Variants in HHAT observed in about 807,000 individuals in gnomAD.
HHAT encodes the protein protein-cysteine N-palmitoyltransferase HHAT.
In HHAT, 47 loss-of-function variants were observed where a neutral mutation model predicts 70.8. That is an observed-to-expected ratio of 0.66 (90% confidence interval 0.53 to 0.85). The LOEUF (loss-of-function observed/expected upper bound fraction) is 0.85, where lower values mean the gene tolerates loss of function less well. HHAT is among the 40% of genes least tolerant of loss of function. The pLI is 0.00. For synonymous variants in HHAT, 228 were observed against 247.6 expected (o/e 0.92, Z 0.74); for missense variants, 609 against 604.8 (o/e 1.01, Z -0.07).
upstream of HHAT, chr1:210,328,855 G>C: frequency 2.3e-6 from 1 of 442,840 alleles, no homozygotes. Context: ...GCTCGCCATC[G>C]CCCGGAGAGC....
At chr1:210,573,670 C>T (rs1323590886) in intron 9 of HHAT, among the ~76,000 whole-genome samples, 4 of 152,164 alleles carry the variant, frequency 2.6e-5, no homozygotes, top group Non-Finnish European at 5.9e-5. Context: ...GAGAGGTTGG[C>T]ATTGGCATGT....
intron 8 of HHAT, among the ~76,000 whole-genome samples, chr1:210,498,345 C>A (rs968483099): frequency 6.6e-6 from 1 of 152,124 alleles, no homozygotes; most frequent in Non-Finnish European, 1.5e-5. Flanking sequence ...CAGTATGATT[C>A]TTATTTCTTG....
chr1:210,674,603 T>C lies in HHAT; in HGVS notation c.*224T>C. On this transcript the variant is annotated 3_prime_UTR_variant, in exon 12 of 12. Transcript: ENST00000261458. ...TCTACCCCAACTCATCATTTTCCTA[T>C]TGAGGAAACGGGTCCAGGGCAGTCG... 2 of 524,798 alleles carry C rather than the reference T, an allele frequency of 3.8e-6. No homozygotes were observed. Among genetic ancestry groups the C allele is most frequent in the South Asian group, 2.7e-5 (1 of 36,922 alleles). 32.5% of individuals were successfully genotyped at this position (524,798 alleles called of 1,614,324 possible). A position where few individuals can be genotyped will look rare whatever the true frequency, so the allele number is the denominator to read the frequency against.
Position 210,594,432 on chromosome 1 carries a change from C to T in HHAT, c.1245+6333C>T, listed in dbSNP as rs536051960. ...AACAAATTAATAAGCAAAGAGAAAACGAATAAAAACTCTACACTTTAACTT... is the reference window on the plus strand; with the variant it reads ...AACAAATTAATAAGCAAAGAGAAAATGAATAAAAACTCTACACTTTAACTT... On this transcript the variant is annotated intron_variant, in intron 10 of 11. Coordinates refer to ENST00000261458, the MANE Select transcript of HHAT (RefSeq NM_018194.6). 1.2e-4 allele frequency among the ~76,000 whole-genome samples: 18 copies of T among 152,166 alleles called. 1 individual carries two copies. The highest frequency in any genetic ancestry group is 8.3e-4 in the South Asian group (4 of 4,814).
intron 9 of HHAT, among the ~76,000 whole-genome samples, chr1:210,587,160 A>C (rs1660640437): frequency 6.6e-6 from 1 of 152,248 alleles, no homozygotes; most frequent in Non-Finnish European, 1.5e-5. Context: ...TTGCTGTATT[A>C]GTCCATTTTC....
intron 11 of HHAT, among the ~76,000 whole-genome samples, chr1:210,654,510 G>A (rs937527491): frequency 1.3e-5 from 2 of 152,170 alleles, no homozygotes; most frequent in Non-Finnish European, 2.9e-5. Context: ...TTAACATCAG[G>A]AAACACCCTG....
In HHAT at chr1:210,360,846, C is replaced by CTTTTTT. The variant is rs3036585; in HGVS notation, c.92-1992_92-1987dup. ...ATATTGGAATAAATAATTAACTTCACTTTTTTTTTTTTTTTTTTTAACTTT... is the reference window on the plus strand; with the variant it reads ...ATATTGGAATAAATAATTAACTTCACTTTTTTTTTTTTTTTTTTTTTTTTTAACTTT... On this transcript the variant is annotated intron_variant, in intron 2 of 11. Coordinates refer to ENST00000261458, the MANE Select transcript of HHAT (RefSeq NM_018194.6). Among the ~76,000 whole-genome samples, 239 of 124,262 alleles carry CTTTTTT rather than the reference C, an allele frequency of 1.9e-3. 4 individuals are homozygous for CTTTTTT. Among genetic ancestry groups the CTTTTTT allele is most frequent in the African/African-American group, 7.2e-3 (222 of 30,762 alleles). 81.5% of individuals were successfully genotyped at this position (124,262 alleles called of 152,430 possible).
intron 3 of HHAT, among the ~76,000 whole-genome samples, chr1:210,376,014 A>ATTTTTTTTTTTTTTTTTTT (rs57707354): frequency 2.8e-5 from 3 of 108,908 alleles, no homozygotes; most frequent in Admixed American, 1.1e-4. Flanking sequence ...TGCACAGCTA[A>ATTTTTTTTTTTTTTTTTTT]TTTTTTTTTT....
chr1:210,546,317 C>T (rs2095483065), intron 9 of HHAT, among the ~76,000 whole-genome samples: 2 of 152,210 alleles, frequency 1.3e-5, no homozygotes, highest in Non-Finnish European at 2.9e-5. Context: ...AATACAGAAG[C>T]AGGACCATCC....
chr1:210,542,498 T>A (rs59189075), intron 9 of HHAT, among the ~76,000 whole-genome samples: 11,867 of 108,656 alleles, frequency 0.11, 501 homozygotes, highest in Admixed American at 0.13. Flanking sequence ...AAAAAAAAAA[T>A]ATATATATAT....
intron 10 of HHAT, among the ~76,000 whole-genome samples, chr1:210,621,276 A>G (rs1363724223): frequency 6.6e-6 from 1 of 152,100 alleles, no homozygotes; most frequent in East Asian, 1.9e-4. Context: ...AAAATCACAC[A>G]GGGCCTTTGT....
At chr1:210,359,872 C>CG (rs1553323933) in intron 2 of HHAT, among the ~76,000 whole-genome samples, 1 of 148,150 alleles carries the variant, frequency 6.7e-6, no homozygotes, top group Non-Finnish European at 1.5e-5. Flanking sequence ...TGGGAAAAAA[C>CG]AAAAAAAAAA....
At chr1:210,507,359 C>CTTTTTT (rs927392992) in intron 8 of HHAT, among the ~76,000 whole-genome samples, 19 of 122,520 alleles carry the variant, frequency 1.6e-4, no homozygotes, top group East Asian at 2.3e-4. Flanking sequence ...TTTCTTTTTT[C>CTTTTTT]TTTTTTTTTT....
chr1:210,432,803 G>A (rs1451621193), intron 7 of HHAT, among the ~76,000 whole-genome samples: 1 of 151,724 alleles, frequency 6.6e-6, no homozygotes, highest in Non-Finnish European at 1.5e-5. Context: ...CAGCTTCAAG[G>A]TTTTGGTGCT....
chr1:210,457,658 C>T (rs2093897843), intron 7 of HHAT, among the ~76,000 whole-genome samples: 1 of 152,204 alleles, frequency 6.6e-6, no homozygotes, highest in South Asian at 2.1e-4. Context: ...CTCTCCAATC[C>T]TGGCAAACGC....
chr1:210,422,706 C>T lies in HHAT; in HGVS notation c.856+4381C>T, dbSNP rs556891644. Among the ~76,000 whole-genome samples the T allele has an allele frequency of 7.9e-5, 12 of 152,196 alleles. No homozygotes were observed. In the South Asian group the frequency reaches 1.5e-3, roughly 18 times the overall value. On this transcript the variant is annotated intron_variant, in intron 7 of 11. Transcript: ENST00000261458. The stretch of plus-strand genomic sequence containing the variant: ...AGGCTGGAGTGCAGTGGCATGACCT[C>T]GGCTTACTGCAACCTCTGCCTCTTG...
intron 1 of HHAT, among the ~76,000 whole-genome samples, chr1:210,336,639 CAG>C (rs1294249030): frequency 6.6e-6 from 1 of 151,888 alleles, no homozygotes; most frequent in Non-Finnish European, 1.5e-5. Context: ...AAAAAATTAG[CAG>C]GGGGTGGTGA....
At chr1:210,470,611 G>A (rs1558582209) in intron 8 of HHAT, among the ~76,000 whole-genome samples, 1 of 152,152 alleles carries the variant, frequency 6.6e-6, no homozygotes. Context: ...TTCACAGATA[G>A]TGTGTCCTCT....
At chr1:210,651,133 A>G (rs1574002410) in intron 11 of HHAT, among the ~76,000 whole-genome samples, 1 of 152,138 alleles carries the variant, frequency 6.6e-6, no homozygotes, top group African/African-American at 2.4e-5. Context: ...AATCTCCATA[A>G]AGGCTGAAAC....
Sources: allele counts gnomAD v4.1 joint callset (sites outside exome capture counted in the v4.1 genomes callset), GRCh38; gene constraint gnomAD v4.1.1; transcripts MANE v1.5; gene names NCBI Gene and HGNC (gene_info 2026-07-23, HGNC 2026-07-21).